TECPR2: variants seen among roughly 807,000 people sequenced by gnomAD.
TECPR2 encodes the protein tectonin beta-propeller repeat-containing protein 2.
Under a neutral mutation model 138.1 loss-of-function variants are expected in TECPR2, and 65 were observed. That is an observed-to-expected ratio of 0.47 (90% CI 0.39 to 0.58). The LOEUF is 0.58. TECPR2 is among the 20% of genes least tolerant of loss of function. The probability of loss-of-function intolerance (pLI) is 0.00; values close to 1 mark genes in which losing one functional copy is unlikely to be tolerated. For missense variants in TECPR2, 1,553 were observed against 1,824.5 expected (o/e 0.85, Z 2.71); for synonymous variants, 746 against 749.8 (o/e 0.99, Z 0.08).
chr14:102,449,909 C>T lies in TECPR2; in HGVS notation c.3316+40C>T, dbSNP rs1383937882. 1.9e-6 allele frequency: 3 copies of T among 1,601,438 alleles called. No individual in the cohort carries two copies. In the Admixed American group the frequency reaches 5.1e-5, roughly 27 times the overall value. On this transcript the variant is annotated intron_variant, in intron 14 of 19. Transcript: ENST00000359520. ...GTAATTTTCACACTGGCTTTATAGG[C>T]AGCCTCACTTTAAAGCCAACATTTA... is the stretch of plus-strand genomic sequence containing the variant.
intron 7 of TECPR2, 62 bp downstream of exon 7, chr14:102,428,444 T>C: frequency 6.3e-7 from 1 of 1,589,556 alleles, no homozygotes. Flanking sequence ...CTGTTGTTTG[T>C]AATTGCAGTT....
At chr14:102,383,630 A>G (rs1450502998) in intron 2 of TECPR2, among the ~76,000 whole-genome samples, 1 of 151,068 alleles carries the variant, frequency 6.6e-6, no homozygotes, top group Non-Finnish European at 1.5e-5. Flanking sequence ...CTGGATTCAA[A>G]CTCCTGATCG....
rs1467627687 is a variant in TECPR2 at position 102,497,040 on chromosome 14, T to C, written c.3851T>C (p.Leu1284Pro). 1 of 1,614,030 alleles carries C rather than the reference T, an allele frequency of 6.2e-7. No homozygotes were observed. Among genetic ancestry groups the C allele is most frequent in the South Asian group, 1.1e-5 (1 of 91,078 alleles). ...CCCAACGACCAGATGCTGTGGGTGC[T>C]TGACAGCAGGTGGAACGTGCACGTG... ...SSPNDQMLWV[L>P]DSRWNVHVRT... The change falls in exon 18 of 20, where the codon CTT becomes CCT. Residue 1284 changes from leucine to proline, a missense_variant. Transcript: ENST00000359520.
At chr14:102,490,914 G>C (rs1279796689) in intron 17 of TECPR2, among the ~76,000 whole-genome samples, 1 of 151,798 alleles carries the variant, frequency 6.6e-6, no homozygotes. Context: ...TTTTTTTTGA[G>C]ACAGAGTCTC....
intron 5 of TECPR2, among the ~76,000 whole-genome samples, chr14:102,423,108 G>A (rs997132479): frequency 1.1e-4 from 16 of 152,058 alleles, no homozygotes; most frequent in South Asian, 2.1e-4. Flanking sequence ...TCCAACCCAC[G>A]GCCCAACACA....
intron 2 of TECPR2, among the ~76,000 whole-genome samples, chr14:102,397,945 A>G (rs1031046554): frequency 1.3e-5 from 2 of 150,460 alleles, no homozygotes; most frequent in African/African-American, 2.4e-5. Flanking sequence ...TGGTGGCACA[A>G]GCATGTAGTC....
At position 102,435,076 on chromosome 14, in the gene TECPR2, TGAG is replaced by T. The variant is rs769826272; in HGVS notation, c.2265_2267del (p.Glu755del). 5 of 1,613,874 alleles carry T rather than the reference TGAG, an allele frequency of 3.1e-6. No homozygotes were observed. The highest frequency in any genetic ancestry group is 2.7e-5 in the African/African-American group (2 of 74,940). On this transcript the variant is annotated inframe_deletion, in exon 9 of 20. Coordinates refer to ENST00000359520, the MANE Select transcript of TECPR2 (RefSeq NM_014844.5). ...GGGATCAGACATTGACGTCCAGCGA[TGAG>T]GAGGACATCTATGCCCACGGGCTTC...
chr14:102,383,640 G>T (rs376113839), intron 2 of TECPR2, among the ~76,000 whole-genome samples: 1 of 151,526 alleles, frequency 6.6e-6, no homozygotes. Flanking sequence ...ACTCCTGATC[G>T]CAAGTGATCC....
chr14:102,445,354 C>T (rs1033336163), intron 12 of TECPR2, among the ~76,000 whole-genome samples: 2 of 150,614 alleles, frequency 1.3e-5, no homozygotes, highest in Non-Finnish European at 3.0e-5. Context: ...GAGATGGAGG[C>T]GCTCAGGGGC....
chr14:102,437,266 G>T (rs1735156034), intron 9 of TECPR2: 4 of 911,198 alleles, frequency 4.4e-6, no homozygotes, highest in Non-Finnish European at 5.2e-6. Flanking sequence ...TTCTAGCAAG[G>T]TCGGGCACAG....
intron 2 of TECPR2, among the ~76,000 whole-genome samples, chr14:102,394,881 G>A (rs1206768391): frequency 6.6e-6 from 1 of 152,002 alleles, no homozygotes; most frequent in African/African-American, 2.4e-5. Context: ...TCTAGACTGG[G>A]CCCTTACTTA....
intron 17 of TECPR2, among the ~76,000 whole-genome samples, chr14:102,496,562 C>T (rs1048789274): frequency 3.3e-5 from 5 of 152,230 alleles, no homozygotes; most frequent in Non-Finnish European, 7.3e-5. Context: ...AGAGGGGCCT[C>T]AGCTGAGCCA....
At chr14:102,370,760 C>T (rs573166421) in intron 1 of TECPR2, among the ~76,000 whole-genome samples, 3 of 152,242 alleles carry the variant, frequency 2.0e-5, no homozygotes, top group South Asian at 2.1e-4. Context: ...GAGGGAGAGG[C>T]GGGCAGATGA....
chr14:102,378,914 C>T (rs2049723371), intron 2 of TECPR2, among the ~76,000 whole-genome samples: 1 of 152,154 alleles, frequency 6.6e-6, no homozygotes, highest in Non-Finnish European at 1.5e-5. Context: ...CGTGAGCCAC[C>T]ACACCTGCCC....
At chr14:102,409,122 G>A (rs914539125) in intron 4 of TECPR2, among the ~76,000 whole-genome samples, 4 of 152,196 alleles carry the variant, frequency 2.6e-5, no homozygotes. Flanking sequence ...CACAGAGCTT[G>A]CTTTCAAACT....
At chr14:102,396,290 A>T (rs1888313314) in intron 2 of TECPR2, among the ~76,000 whole-genome samples, 1 of 151,744 alleles carries the variant, frequency 6.6e-6, no homozygotes, top group Non-Finnish European at 1.5e-5. Context: ...TTTAGTAGAG[A>T]CGGAGTTTCG....
chr14:102,408,753 ATTTACT>A (rs760867717), intron 4 of TECPR2, 134 bp downstream of exon 4: 18 of 1,019,846 alleles, frequency 1.8e-5, no homozygotes, highest in Non-Finnish European at 2.5e-5. Flanking sequence ...TATTTGTAAC[ATTTACT>A]TTTATAGACT....
intron 17 of TECPR2, among the ~76,000 whole-genome samples, chr14:102,469,116 T>C (rs529685239): frequency 2.6e-5 from 4 of 152,138 alleles, no homozygotes; most frequent in East Asian, 3.9e-4. Context: ...GGGATAAGTA[T>C]GTCAATTTCT....
intron 5 of TECPR2, among the ~76,000 whole-genome samples, chr14:102,423,692 C>T (rs1464308352): frequency 1.3e-5 from 2 of 152,148 alleles, no homozygotes; most frequent in African/African-American, 4.8e-5. Context: ...ACATATTTCT[C>T]AAACATCCCT....
Sources: gnomAD v4.1 joint callset for allele counts (sites outside exome capture counted in the v4.1 genomes callset) on GRCh38, gnomAD v4.1.1 for gene constraint, MANE v1.5 for transcripts, NCBI Gene and HGNC (gene_info 2026-07-23, HGNC 2026-07-21) for gene names.